Variants in DLG2 observed in about 807,000 individuals in gnomAD.
The protein encoded by DLG2 is disks large homolog 2.
DLG2 carries 45 observed loss-of-function variants against 132.5 expected under a neutral mutation model. The ratio of observed to expected loss-of-function variants is 0.34; its 90% CI spans 0.27 to 0.44. DLG2 has a LOEUF of 0.44. Among genes scored for constraint, DLG2 ranks in the 20% least tolerant of loss-of-function variants. The pLI, the probability that DLG2 is intolerant of heterozygous loss-of-function variation, is 1.00. For missense variants in DLG2, 1,045 were observed against 1,196.9 expected (o/e 0.87, Z 1.87); for synonymous variants, 424 against 419.6 (o/e 1.01, Z -0.13).
chr11:84,966,156 G>T (rs1017899254), intron 6 of DLG2, among the ~76,000 whole-genome samples: 1 of 151,910 alleles, frequency 6.6e-6, no homozygotes, highest in Admixed American at 6.6e-5. Flanking sequence ...TTAGCTTAAA[G>T]CTGGAAATGG....
At chr11:85,022,510 G>T (rs143712427) in intron 6 of DLG2, among the ~76,000 whole-genome samples, 110 of 152,156 alleles carry the variant, frequency 7.2e-4, no homozygotes, top group African/African-American at 2.6e-3. Flanking sequence ...TAAAACATAA[G>T]GAGGATACTA....
At chr11:84,833,495 A>T (rs1313425315) in intron 6 of DLG2, among the ~76,000 whole-genome samples, 5 of 151,568 alleles carry the variant, frequency 3.3e-5, no homozygotes, top group Non-Finnish European at 7.4e-5. Context: ...ATCCTATAGA[A>T]CTGTGACTTA....
intron 21 of DLG2, among the ~76,000 whole-genome samples, chr11:83,495,550 G>GTACT (rs1211331558): frequency 6.6e-6 from 1 of 151,994 alleles, no homozygotes; most frequent in African/African-American, 2.4e-5. Flanking sequence ...CCATACCATA[G>GTACT]TACTTATGAC....
intron 9 of DLG2, among the ~76,000 whole-genome samples, chr11:84,136,057 C>T (rs927513948): frequency 2.0e-5 from 3 of 152,128 alleles, no homozygotes; most frequent in African/African-American, 7.2e-5. Context: ...TCTGGCTAAT[C>T]AGATGGCGAT....
chr11:84,751,939 T>C (rs1200731443), intron 6 of DLG2, among the ~76,000 whole-genome samples: 1 of 152,188 alleles, frequency 6.6e-6, no homozygotes, highest in Non-Finnish European at 1.5e-5. Context: ...ATTTACTTTG[T>C]TCTTAGCAAG....
rs545685868 is a variant in DLG2 at position 85,163,008 on chromosome 11, G to C, written c.187-8357C>G. ...CCAGCACAGCTAGAATATAAAGCAG[G>C]CAAAACAACGTGAAAAGACTAGACT... On this transcript the variant is annotated intron_variant, in intron 4 of 27. Transcript: ENST00000376104. 2.0e-5 allele frequency among the ~76,000 whole-genome samples: 3 copies of C among 152,208 alleles called. No homozygotes were observed. In the East Asian group the frequency reaches 5.8e-4, roughly 29 times the overall value.
chr11:85,449,549 G>C lies in DLG2; in HGVS notation c.40+149108C>G, dbSNP rs550340290. ...TCTTATTCCTTTCTTATATTAGAGAGTACATGCTTTATTTAAACATTTTAA... is the reference window on the plus strand; with the variant it reads ...TCTTATTCCTTTCTTATATTAGAGACTACATGCTTTATTTAAACATTTTAA... On this transcript the variant is annotated intron_variant, in intron 3 of 27. Coordinates refer to ENST00000376104, the MANE Select transcript of DLG2 (RefSeq NM_001142699.3). Among the ~76,000 whole-genome samples the C allele has an allele frequency of 3.9e-5, 6 of 151,948 alleles. No homozygotes were observed. The South Asian group carries it at 1.2e-3, about 32-fold the overall frequency.
At chr11:84,474,065 T>C (rs991624089) in intron 7 of DLG2, among the ~76,000 whole-genome samples, 1 of 151,998 alleles carries the variant, frequency 6.6e-6, no homozygotes, top group Non-Finnish European at 1.5e-5. Flanking sequence ...CCATGTGGGG[T>C]ATGACTCTGA....
chr11:84,570,601 C>T (rs1396648448), intron 6 of DLG2, among the ~76,000 whole-genome samples: 1 of 152,050 alleles, frequency 6.6e-6, no homozygotes, highest in Non-Finnish European at 1.5e-5. Flanking sequence ...AATCATGTAC[C>T]ATCACTGATT....
At chr11:84,912,238 C>T (rs758552817) in intron 6 of DLG2, among the ~76,000 whole-genome samples, 19 of 152,202 alleles carry the variant, frequency 1.2e-4, no homozygotes, top group Non-Finnish European at 2.6e-4. Context: ...TCACTGCAAG[C>T]GCCACCTCCT....
chr11:83,647,275 G>T (rs7126548), intron 18 of DLG2, among the ~76,000 whole-genome samples: 7,622 of 151,770 alleles, frequency 0.05, 678 homozygotes, highest in African/African-American at 0.18. Flanking sequence ...AGACAAGGGT[G>T]GGGGCGGGGG....
intron 6 of DLG2, among the ~76,000 whole-genome samples, chr11:84,676,911 C>A (rs1177364030): frequency 6.6e-6 from 1 of 151,834 alleles, no homozygotes; most frequent in African/African-American, 2.4e-5. Flanking sequence ...GCAGATGGAA[C>A]AAGTGAGAAA....
intron 6 of DLG2, among the ~76,000 whole-genome samples, chr11:84,694,286 A>G (rs1265638990): frequency 1.3e-5 from 2 of 151,594 alleles, no homozygotes; most frequent in Non-Finnish European, 3.0e-5. Context: ...ACAAAACACC[A>G]TGGAAAGACA....
At chr11:85,580,601 T>C (rs1469818883) in intron 3 of DLG2, among the ~76,000 whole-genome samples, 1 of 152,232 alleles carries the variant, frequency 6.6e-6, no homozygotes, top group Non-Finnish European at 1.5e-5. Flanking sequence ...TCTTATTAGG[T>C]GAATACTTTT....
At chr11:83,826,097 C>G (rs1345572078) in intron 17 of DLG2, among the ~76,000 whole-genome samples, 1 of 152,020 alleles carries the variant, frequency 6.6e-6, no homozygotes, top group Non-Finnish European at 1.5e-5. Context: ...CATTGAAAGG[C>G]TTTAAAGAGA....
intron 6 of DLG2, among the ~76,000 whole-genome samples, chr11:84,625,777 A>G (rs2099621500): frequency 6.6e-6 from 1 of 152,166 alleles, no homozygotes; most frequent in Admixed American, 6.5e-5. Flanking sequence ...TATCTTTCTC[A>G]TGATGGGCCA....
At chr11:83,707,665 G>C (rs945346338) in intron 18 of DLG2, among the ~76,000 whole-genome samples, 1 of 151,998 alleles carries the variant, frequency 6.6e-6, no homozygotes, top group Non-Finnish European at 1.5e-5. Context: ...AGTGAGACTC[G>C]GTCTCAACAA....
At chr11:84,332,700 T>A (rs993048274) in intron 7 of DLG2, among the ~76,000 whole-genome samples, 2 of 152,146 alleles carry the variant, frequency 1.3e-5, no homozygotes, top group Admixed American at 6.5e-5. Context: ...ATGGGAAAAC[T>A]TACTGCCTAT....
chr11:85,097,374 A>C (rs2070036646), intron 6 of DLG2, among the ~76,000 whole-genome samples: 1 of 152,148 alleles, frequency 6.6e-6, no homozygotes, highest in Admixed American at 6.5e-5. Flanking sequence ...AAGTTCTCCA[A>C]GTCCCCACCC....
Sources: allele counts gnomAD v4.1 joint callset (sites outside exome capture counted in the v4.1 genomes callset), GRCh38; gene constraint gnomAD v4.1.1; transcripts MANE v1.5; gene names NCBI Gene and HGNC (gene_info 2026-07-23, HGNC 2026-07-21).